IKZF2: variants seen among roughly 807,000 people sequenced by gnomAD.
IKZF2 encodes IKAROS family zinc finger 2, also known as zinc finger protein Helios.
A neutral mutation model predicts 49.2 loss-of-function variants in IKZF2; 15 were observed. The ratio of observed to expected loss-of-function variants is 0.30; its 90% CI spans 0.20 to 0.47. IKZF2 has a LOEUF of 0.47. Among genes scored for constraint, IKZF2 ranks in the 20% least tolerant of loss-of-function variants. IKZF2 has a pLI of 1.00. For missense variants in IKZF2, 567 were observed against 664.6 expected, an observed-to-expected ratio of 0.85 and a Z score of 1.61; for synonymous variants, 227 against 221.4, an observed-to-expected ratio of 1.03 and a Z score of -0.23.
At chr2:213,147,417 A>T (rs535517667) in intron 4 of IKZF2, 283 of 544,946 alleles carry the variant, frequency 5.2e-4, no homozygotes, top group Middle Eastern at 9.5e-4. Context: ...CAAAAAATCC[A>T]GTCATAAACC....
Position 213,049,763 on chromosome 2 carries a change from T to C in IKZF2, c.524A>G (p.Tyr175Cys). The stretch of plus-strand genomic sequence containing the variant: ...GAGGGCGTCCCTTCTTCTACAGGCG[T>C]AGCTACAGAAAGGACATTTGAACGG... ...EKPFKCPFCS[Y>C]ACRRRDALTG... is the part of the protein sequence containing the mutation. Residue 175 changes from tyrosine to cysteine, a missense_variant, in exon 6 of 9, where the codon TAC becomes TGC. This residue lies in a region of IKZF2 where 54 missense variants were observed against 119.9 expected (regional missense o/e 0.45). Coordinates refer to ENST00000434687, the MANE Select transcript of IKZF2 (RefSeq NM_001387220.1). 1 of 1,610,646 alleles carries C rather than the reference T, an allele frequency of 6.2e-7. No individual in the cohort carries two copies. The highest frequency in any genetic ancestry group is 8.5e-7 in the Non-Finnish European group (1 of 1,177,910).
intron 4 of IKZF2, among the ~76,000 whole-genome samples, chr2:213,137,770 G>A (rs2060728599): frequency 6.6e-6 from 1 of 152,084 alleles, no homozygotes; most frequent in Non-Finnish European, 1.5e-5. Context: ...AAATGGCCAT[G>A]AAAGAAAATG....
intron 6 of IKZF2, among the ~76,000 whole-genome samples, chr2:213,035,435 A>G (rs1355326244): frequency 6.6e-6 from 1 of 152,160 alleles, no homozygotes; most frequent in African/African-American, 2.4e-5. Context: ...TAAACTAAAC[A>G]CCAACATAAC....
chr2:213,070,266 A>G (rs1387954672), intron 4 of IKZF2, among the ~76,000 whole-genome samples: 1 of 152,150 alleles, frequency 6.6e-6, no homozygotes, highest in Non-Finnish European at 1.5e-5. Flanking sequence ...TAGTTATGGG[A>G]AAGAGATGCC....
In IKZF2 at chr2:213,005,193, G is replaced by GGGGA. The variant is rs1553539361; in HGVS notation, c.*2166_*2167insTCCC. On this transcript the variant is annotated 3_prime_UTR_variant, in exon 9 of 9. Transcript: ENST00000434687. ...ATTATTATTTGGGAGTGGTTGGGTGGGGGGGGGTGAGCGAGTCTCAAAAAC... is the reference window on the plus strand; with the variant it reads ...ATTATTATTTGGGAGTGGTTGGGTGGGGGAGGGGGGGTGAGCGAGTCTCAAAAAC... 2.2e-5 allele frequency: 3 copies of GGGGA among 135,190 alleles called. No individual in the cohort carries two copies. In the Admixed American group the frequency reaches 2.3e-4, roughly 11 times the overall value. The allele number at this position is 135,190 out of a possible 1,614,324, so 8.4% of individuals were successfully genotyped here.
At chr2:213,147,262 C>G (rs2061107157) in intron 4 of IKZF2, 1 of 238,596 alleles carries the variant, frequency 4.2e-6, no homozygotes. Flanking sequence ...GGAGAAGAAA[C>G]TTTCACATTT....
At chr2:213,124,264 A>G (rs879886838) in intron 4 of IKZF2, among the ~76,000 whole-genome samples, 31,188 of 84,788 alleles carry the variant, frequency 0.37, 3,794 homozygotes, top group Middle Eastern at 0.47. Flanking sequence ...ACACACACAC[A>G]CACACACACA....
rs545874479 is a variant in IKZF2 at position 213,028,978 on chromosome 2, T to C, written c.575-6848A>G. Reference sequence around the variant, plus strand: ...ATGGAAAATTACATTGTGATGTTTTTTCACCCAATGTTAAACCAACTTTAA... The same window carrying C: ...ATGGAAAATTACATTGTGATGTTTTCTCACCCAATGTTAAACCAACTTTAA... On this transcript the variant is annotated intron_variant, in intron 6 of 8. Coordinates refer to ENST00000434687, the MANE Select transcript of IKZF2 (RefSeq NM_001387220.1). 1.1e-3 allele frequency among the ~76,000 whole-genome samples: 165 copies of C among 152,214 alleles called. 1 individual carries two copies. Among genetic ancestry groups the C allele is most frequent in the African/African-American group, 3.8e-3 (158 of 41,558 alleles).
At chr2:213,112,104 T>C (rs555890019) in intron 4 of IKZF2, among the ~76,000 whole-genome samples, 5 of 152,204 alleles carry the variant, frequency 3.3e-5, no homozygotes, top group African/African-American at 1.2e-4. Flanking sequence ...ATAGATTATG[T>C]TTGATAATTA....
intron 4 of IKZF2, among the ~76,000 whole-genome samples, chr2:213,063,677 C>T (rs1361225034): frequency 6.6e-6 from 1 of 151,960 alleles, no homozygotes; most frequent in East Asian, 1.9e-4. Flanking sequence ...CACAGATAAA[C>T]ACTGAAGCAT....
chr2:213,150,157 C>G lies in IKZF2; in HGVS notation c.-29G>C, dbSNP rs62189577. On this transcript the variant is annotated 5_prime_UTR_variant, in exon 2 of 9. Transcript: ENST00000434687. The stretch of plus-strand genomic sequence containing the variant: ...AAATGTACATACAAAAGAAATTGTC[C>G]TTTGATTAAAAAAGATTCATCACCA... 18,337 of 1,302,198 alleles carry G rather than the reference C, an allele frequency of 0.014. 195 individuals carry two copies. The highest frequency in any genetic ancestry group is 0.017 in the Non-Finnish European group (16,903 of 987,046). 80.7% of individuals were successfully genotyped at this position (1,302,198 alleles called of 1,614,324 possible).
chr2:213,152,276 C>A (rs1253795444), upstream of IKZF2: 1 of 152,360 alleles, frequency 6.6e-6, no homozygotes, highest in Admixed American at 6.5e-5. Flanking sequence ...AGCCGCGTCC[C>A]GGCCGAGTCG....
At chr2:213,094,749 T>C (rs763539147) in intron 4 of IKZF2, among the ~76,000 whole-genome samples, 2 of 152,132 alleles carry the variant, frequency 1.3e-5, no homozygotes, top group Non-Finnish European at 2.9e-5. Flanking sequence ...GCTGGGTGCA[T>C]ATCAGCCACA....
chr2:213,108,966 G>T (rs2059617661), intron 4 of IKZF2, among the ~76,000 whole-genome samples: 1 of 151,688 alleles, frequency 6.6e-6, no homozygotes, highest in Non-Finnish European at 1.5e-5. Flanking sequence ...TTACATATTT[G>T]AGATCCTACT....
At chr2:213,042,108 C>T (rs559080802) in intron 6 of IKZF2, among the ~76,000 whole-genome samples, 24 of 152,188 alleles carry the variant, frequency 1.6e-4, no homozygotes, top group African/African-American at 5.8e-4. Flanking sequence ...AACCCACATG[C>T]CTTGATCTCC....
chr2:213,075,713 A>G (rs545786667), intron 4 of IKZF2, among the ~76,000 whole-genome samples: 290 of 152,280 alleles, frequency 1.9e-3, no homozygotes, highest in Non-Finnish European at 3.5e-3. Flanking sequence ...ATAACCATTA[A>G]GTAGTTTATG....
chr2:213,143,198 C>CT (rs1385562410), intron 4 of IKZF2, among the ~76,000 whole-genome samples: 1 of 151,866 alleles, frequency 6.6e-6, no homozygotes, highest in Non-Finnish European at 1.5e-5. Context: ...TTCATTATGG[C>CT]TTACAGGAAG....
intron 4 of IKZF2, among the ~76,000 whole-genome samples, chr2:213,064,665 T>C (rs1037010573): frequency 1.3e-5 from 2 of 152,060 alleles, no homozygotes; most frequent in South Asian, 2.1e-4. Flanking sequence ...CAGCAGTCTA[T>C]CCCTTTATCC....
At chr2:213,037,190 G>A (rs1360607839) in intron 6 of IKZF2, among the ~76,000 whole-genome samples, 1 of 152,190 alleles carries the variant, frequency 6.6e-6, no homozygotes, top group Non-Finnish European at 1.5e-5. Flanking sequence ...TCAGAACAAT[G>A]AGAAAGCAGC....
Sources: gnomAD v4.1 joint callset for allele counts (sites outside exome capture counted in the v4.1 genomes callset) on GRCh38, gnomAD v4.1.1 for gene constraint, gnomAD v4.1.1 regional missense constraint, MANE v1.5 for transcripts, NCBI Gene and HGNC (gene_info 2026-07-23, HGNC 2026-07-21) for gene names.